The following BSN variants were observed in gnomAD, a reference collection of about 807,000 sequenced individuals.
BSN encodes bassoon presynaptic cytomatrix protein.
A neutral mutation model predicts 264.8 loss-of-function variants in BSN; 57 were observed. The ratio of observed to expected loss-of-function variants is 0.22; its 90% CI spans 0.17 to 0.27. BSN has a LOEUF of 0.27. Among genes scored for constraint, BSN ranks in the 10% least tolerant of loss-of-function variants. The pLI is 1.00. For missense variants in BSN, 4,615 were observed against 5,232.5 expected, an observed-to-expected ratio of 0.88 and a Z score of 3.64; for synonymous variants, 2,059 against 2,137.3, an observed-to-expected ratio of 0.96 and a Z score of 1.01.
Position 49,655,720 on chromosome 3 carries a change from C to T in BSN, c.6164C>T (p.Pro2055Leu), listed in dbSNP as rs140934925. 5.6e-6 allele frequency: 9 copies of T among 1,613,404 alleles called. No individual in the cohort carries two copies. The highest frequency in any genetic ancestry group is 2.7e-5 in the African/African-American group (2 of 74,928). The change falls in exon 5 of 12, where the codon CCG becomes CTG. Residue 2055 changes from proline to leucine, a missense_variant. By Grantham distance (98) the Pro-to-Leu change is moderately conservative (BLOSUM62 -3). This residue lies in a region of BSN where 3,415 missense variants were observed against 3,866.4 expected (regional missense o/e 0.88). Coordinates refer to ENST00000296452, the MANE Select transcript of BSN (RefSeq NM_003458.4). The stretch of plus-strand genomic sequence containing the variant: ...CATCCTACAGACCTTTTGGCTCACC[C>T]GCTTCCCATGCGGCGCTATAGCTCA... ...LRHPTDLLAH[P>L]LPMRRYSSVS...
At position 49,554,804 on chromosome 3, in the gene BSN, G is replaced by GGCCCCT; in HGVS notation, c.203_204insCCCCTG (p.Pro69_Gly70insCysPro). On this transcript the variant is annotated inframe_insertion, in exon 1 of 12. Transcript: ENST00000296452. ...GGTCCCTGGCCCCGGCCCCGGCCCC[G>GGCCCCT]GTCCCGGCCCTGGCCCGGGCAGGTA... 9.4e-7 allele frequency: 1 copy of GGCCCCT among 1,063,654 alleles called. No homozygotes were observed. Among genetic ancestry groups the GGCCCCT allele is most frequent in the Non-Finnish European group, 1.1e-6 (1 of 881,318 alleles). 65.9% of individuals were successfully genotyped at this position (1,063,654 alleles called of 1,614,324 possible). A position where few individuals can be genotyped will look rare whatever the true frequency, so the allele number is the denominator to read the frequency against.
chr3:49,560,736 A>G (rs938346553), intron 1 of BSN, among the ~76,000 whole-genome samples: 1 of 152,132 alleles, frequency 6.6e-6, no homozygotes, highest in Non-Finnish European at 1.5e-5. Context: ...TCACTAGCAC[A>G]GTGGTTGAAG....
In BSN at chr3:49,663,650, C is replaced by G; in HGVS notation, c.11492C>G (p.Pro3831Arg). ...CCAGGCCCCAGCACAGCCACAGGTC[C>G]TCAACCAGCAGGACCGGTAAGCAGA... Reference protein sequence around the residue: ...PQPGPSTATGPQPAGPPRAEQ... With the variant: ...PQPGPSTATGRQPAGPPRAEQ... Residue 3831 changes from proline (P) to arginine (R), a missense_variant, in exon 7 of 12, where the codon CCT (proline) becomes CGT (arginine). Transcript: ENST00000296452. 1.2e-6 allele frequency: 2 copies of G among 1,605,686 alleles called. No homozygotes were observed. The highest frequency in any genetic ancestry group is 1.7e-6 in the Non-Finnish European group (2 of 1,175,062).
chr3:49,564,041 T>C lies in BSN; in HGVS notation c.224+9215T>C, dbSNP rs115354473. Among the ~76,000 whole-genome samples the C allele has an allele frequency of 1.1e-3, 174 of 152,306 alleles. 1 individual carries two copies. The highest frequency in any genetic ancestry group is 1.7e-3 in the Non-Finnish European group (113 of 68,022). On this transcript the variant is annotated intron_variant, in intron 1 of 11. Transcript: ENST00000296452. The stretch of plus-strand genomic sequence containing the variant: ...CTTACTTCCTCAATCCTGATTTTCT[T>C]CTCTGGACTTCACTTCTCCAGCTCC...
chr3:49,605,220 C>A (rs1459901575), intron 1 of BSN, among the ~76,000 whole-genome samples: 3 of 135,714 alleles, frequency 2.2e-5, no homozygotes, highest in South Asian at 4.4e-4. Context: ...CATGCCATTG[C>A]ACTCCAGCCT....
At chr3:49,658,938 A>C (rs2052632628) in intron 5 of BSN, among the ~76,000 whole-genome samples, 1 of 152,246 alleles carries the variant, frequency 6.6e-6, no homozygotes. Flanking sequence ...ACTGAGTGCC[A>C]GGCTGAGGAG....
At chr3:49,633,244 G>A (rs1451270752) in intron 2 of BSN, among the ~76,000 whole-genome samples, 1 of 151,440 alleles carries the variant, frequency 6.6e-6, no homozygotes, top group African/African-American at 2.4e-5. Flanking sequence ...GGAGGTTGCA[G>A]TGAGCCAAGA....
chr3:49,554,544 C>T lies in BSN; in HGVS notation c.-59C>T, dbSNP rs2051646644. 4.5e-6 allele frequency: 3 copies of T among 669,972 alleles called. No homozygotes were observed. Among genetic ancestry groups the T allele is most frequent in the Non-Finnish European group, 5.5e-6 (3 of 542,294 alleles). 41.5% of individuals were successfully genotyped at this position (669,972 alleles called of 1,614,324 possible). On this transcript the variant is annotated 5_prime_UTR_variant, in exon 1 of 12. Transcript: ENST00000296452. ...GCGGCGCCGAGAGTGTGAGCACCGC[C>T]CGGGAGCCGCCGGCCCGGGCGCAGC... is the stretch of plus-strand genomic sequence containing the variant.
At chr3:49,632,045 T>C (rs2052387220) in intron 2 of BSN, among the ~76,000 whole-genome samples, 1 of 152,214 alleles carries the variant, frequency 6.6e-6, no homozygotes, top group South Asian at 2.1e-4. Context: ...AGATGATTTT[T>C]GATAAGAGTG....
chr3:49,606,103 A>AT (rs1559603325), intron 1 of BSN, among the ~76,000 whole-genome samples: 1 of 35,520 alleles, frequency 2.8e-5, no homozygotes, highest in African/African-American at 1.2e-4. Context: ...TATAACATAT[A>AT]ATATATAATA....
At position 49,663,016 on chromosome 3, in the gene BSN, T is replaced by C. The variant is rs1559619713; in HGVS notation, c.10858T>C (p.Tyr3620His). The C allele has an allele frequency of 6.2e-7, 1 of 1,613,974 alleles. No individual in the cohort carries two copies. The highest frequency in any genetic ancestry group is 1.3e-5 in the African/African-American group (1 of 75,054). Reference protein sequence around the residue: ...RGPARHSYHDYDEPPEEGLWP... With the variant: ...RGPARHSYHDHDEPPEEGLWP... ...CCCTGCCAGGCACAGCTACCATGAC[T>C]ACGATGAACCCCCTGAGGAGGGCCT... Residue 3620 changes from tyrosine to histidine, a missense_variant, in exon 7 of 12, where the codon TAC becomes CAC. Physicochemically the swap from Tyr to His is moderately conservative, Grantham distance 83. Around this residue, in one of 3 missense-constraint regions of BSN, gnomAD observed 3,415 missense variants for 3,866.4 expected, o/e 0.88. Coordinates refer to ENST00000296452, the MANE Select transcript of BSN (RefSeq NM_003458.4).
downstream of BSN, among the ~76,000 whole-genome samples, chr3:49,672,140 C>T (rs2052786014): frequency 6.7e-6 from 1 of 149,214 alleles, no homozygotes; most frequent in African/African-American, 2.5e-5. Flanking sequence ...GTTTGTTGTT[C>T]CAGTCTTCAT....
At position 49,656,770 on chromosome 3, in the gene BSN, G is replaced by A. The variant is rs369235693; in HGVS notation, c.7214G>A (p.Arg2405His). The change falls in exon 5 of 12, where the codon CGT (arginine) becomes CAT (histidine). Residue 2405 changes from arginine (R) to histidine (H), a missense_variant. By Grantham distance (29) the Arg-to-His change is conservative (BLOSUM62 0). Coordinates refer to ENST00000296452, the MANE Select transcript of BSN (RefSeq NM_003458.4). ...GAACGTGTGGAGCTGCAGAGGCACCGTGAGGAGGAGCAGCTGCTGGTGCAG... is the reference window on the plus strand; with the variant it reads ...GAACGTGTGGAGCTGCAGAGGCACCATGAGGAGGAGCAGCTGCTGGTGCAG... ...ERERVELQRHREEEQLLVQRE... is the reference protein window; with the variant it reads ...ERERVELQRHHEEEQLLVQRE... 12 of 1,582,238 alleles carry A rather than the reference G, an allele frequency of 7.6e-6. No homozygotes were observed. Among genetic ancestry groups the A allele is most frequent in the South Asian group, 3.4e-5 (3 of 87,034 alleles).
rs927007223 is a variant in BSN, at chr3:49,669,965, A to G, written c.*2480A>G. On this transcript the variant is annotated 3_prime_UTR_variant, in exon 12 of 12. Transcript: ENST00000296452. ...CTTCGTCCAGAGTGCTCTGGTTTGC[A>G]CCATGCATTTCTCAGGGGTCCGCAT... 3 of 152,568 alleles carry G rather than the reference A, an allele frequency of 2.0e-5. No individual in the cohort carries two copies. The highest frequency in any genetic ancestry group is 4.4e-5 in the Non-Finnish European group (3 of 68,054). The allele number at this position is 152,568 out of a possible 1,614,324, so 9.5% of individuals were successfully genotyped here.
At chr3:49,662,745 G>A (rs1156859597) in intron 6 of BSN, 131 bp from the exon 7 acceptor site, 4 of 1,320,248 alleles carry the variant, frequency 3.0e-6, no homozygotes, top group Non-Finnish European at 4.1e-6. Context: ...TTGCGGGAGG[G>A]TGGGCTGGGG....
At chr3:49,614,763 T>G (rs183305468) in intron 1 of BSN, among the ~76,000 whole-genome samples, 2 of 152,358 alleles carry the variant, frequency 1.3e-5, no homozygotes, top group Non-Finnish European at 2.9e-5. Flanking sequence ...AAAGTTACCC[T>G]TATGTTACCC....
intron 1 of BSN, among the ~76,000 whole-genome samples, chr3:49,558,673 C>G (rs1241460688): frequency 6.6e-6 from 1 of 152,164 alleles, no homozygotes; most frequent in Non-Finnish European, 1.5e-5. Flanking sequence ...ACTTAGAGAT[C>G]TTCTTTGTCC....
chr3:49,643,391 G>C (rs2052482336), intron 3 of BSN, among the ~76,000 whole-genome samples: 1 of 152,176 alleles, frequency 6.6e-6, no homozygotes, highest in Admixed American at 6.5e-5. Context: ...TCAGACTAGT[G>C]CCCTAAGGCT....
At chr3:49,639,444 C>T (rs1327068361) in intron 2 of BSN, among the ~76,000 whole-genome samples, 6 of 152,110 alleles carry the variant, frequency 3.9e-5, no homozygotes, top group African/African-American at 1.2e-4. Flanking sequence ...ATGATCCGCC[C>T]GCCTCTGCCT....
Sources: allele counts gnomAD v4.1 joint callset (sites outside exome capture counted in the v4.1 genomes callset), GRCh38; gene constraint gnomAD v4.1.1; regional missense constraint gnomAD v4.1.1; transcripts MANE v1.5; gene names NCBI Gene and HGNC (gene_info 2026-07-23, HGNC 2026-07-21).